The following TTC27 variants were observed in gnomAD, a reference collection of about 807,000 sequenced individuals.
The protein encoded by TTC27 is tetratricopeptide repeat protein 27.
In TTC27, 79 loss-of-function variants were observed where a neutral mutation model predicts 115.9. The observed-to-expected ratio is 0.68, with a 90% CI of 0.57 to 0.82. TTC27 has a LOEUF of 0.82. Among genes scored for constraint, TTC27 ranks in the 40% least tolerant of loss-of-function variants. TTC27 has a pLI of 0.00. For synonymous variants in TTC27, 401 were observed against 356.0 expected (o/e 1.13, Z -1.42); for missense variants, 1,054 against 993.1 (o/e 1.06, Z -0.82).
intron 5 of TTC27, among the ~76,000 whole-genome samples, chr2:32,655,852 T>G (rs1665296218): frequency 6.6e-6 from 1 of 152,168 alleles, no homozygotes; most frequent in South Asian, 2.1e-4. Flanking sequence ...GCTGTACTAT[T>G]CAATATGGTA....
At chr2:32,767,136 ATT>A (rs34763358) in intron 13 of TTC27, among the ~76,000 whole-genome samples, 13,125 of 152,246 alleles carry the variant, frequency 0.086, 658 homozygotes, top group Middle Eastern at 0.19. Context: ...CCTTAAAAAC[ATT>A]TTGAGTATAT....
chr2:32,773,136 G>A (rs1417393491), intron 13 of TTC27, among the ~76,000 whole-genome samples: 2 of 152,208 alleles, frequency 1.3e-5, no homozygotes, highest in East Asian at 3.8e-4. Flanking sequence ...AAAATAAACA[G>A]TTGGCCTGCT....
chr2:32,755,651 G>GAGGGAA (rs60327971), intron 12 of TTC27, among the ~76,000 whole-genome samples: 4 of 151,578 alleles, frequency 2.6e-5, no homozygotes, highest in Admixed American at 2.6e-4. Flanking sequence ...GGGAGAGGGA[G>GAGGGAA]CCGGAGCCAT....
chr2:32,744,516 G>A (rs1668751380), intron 12 of TTC27, among the ~76,000 whole-genome samples: 1 of 152,184 alleles, frequency 6.6e-6, no homozygotes, highest in South Asian at 2.1e-4. Flanking sequence ...GTTCCTAGAA[G>A]CTCTTTCAAG....
chr2:32,690,255 A>T (rs533632542), intron 9 of TTC27, among the ~76,000 whole-genome samples: 4 of 152,328 alleles, frequency 2.6e-5, no homozygotes, highest in African/African-American at 9.6e-5. Flanking sequence ...TGCTGCCTAT[A>T]TGAAAATTTG....
In TTC27 at chr2:32,736,832, A is replaced by G. The variant is rs1171872317; in HGVS notation, c.1452+16A>G. ...GCACGGAAAGGTATGTAATAGTCCA[A>G]TTTGATGTACTGGTGAGAGCCTTCC... On this transcript the variant is annotated intron_variant, in intron 12 of 19. Coordinates refer to ENST00000317907, the MANE Select transcript of TTC27 (RefSeq NM_017735.5). 2.5e-6 allele frequency: 4 copies of G among 1,612,448 alleles called. No homozygotes were observed. Among genetic ancestry groups the G allele is most frequent in the South Asian group, 2.2e-5 (2 of 90,822 alleles).
chr2:32,628,437 TG>T (rs1347645197), intron 1 of TTC27, 57 bp downstream of exon 1: 2 of 1,428,510 alleles, frequency 1.4e-6, no homozygotes, highest in Non-Finnish European at 1.9e-6. Context: ...GGAAAAGGGA[TG>T]GCAGCGACTG....
At chr2:32,652,395 AAAAAT>A (rs971537592) in intron 5 of TTC27, among the ~76,000 whole-genome samples, 37 of 152,032 alleles carry the variant, frequency 2.4e-4, no homozygotes, top group African/African-American at 4.8e-4. Flanking sequence ...ATAAATAAAT[AAAAAT>A]AAAATAAAAT....
At chr2:32,811,256 C>A in intron 17 of TTC27, 35 bp downstream of exon 17, 1 of 1,583,354 alleles carries the variant, frequency 6.3e-7, no homozygotes, top group South Asian at 1.1e-5. Flanking sequence ...CCTTGCCTTT[C>A]GTTTGAACAT....
rs147208517 is a variant in TTC27, at chr2:32,707,440, G to A, written c.1233+4520G>A. On this transcript the variant is annotated intron_variant, in intron 10 of 19. Coordinates refer to ENST00000317907, the MANE Select transcript of TTC27 (RefSeq NM_017735.5). ...CCACCTCCCACCACTGTTGCATCGG[G>A]CACCAAGTTGCCAACACATGAGCTT... 9.3e-3 allele frequency among the ~76,000 whole-genome samples: 1,421 copies of A among 152,206 alleles called. 11 individuals are homozygous for A. The highest frequency in any genetic ancestry group is 0.024 in the Middle Eastern group (7 of 294).
chr2:32,783,947 C>T (rs1015280352), intron 15 of TTC27, among the ~76,000 whole-genome samples: 8 of 152,172 alleles, frequency 5.3e-5, no homozygotes, highest in South Asian at 2.1e-4. Flanking sequence ...ATCCATATTA[C>T]GTAGAGATCA....
intron 12 of TTC27, among the ~76,000 whole-genome samples, chr2:32,740,791 A>T (rs1668607712): frequency 6.6e-6 from 1 of 152,164 alleles, no homozygotes; most frequent in Non-Finnish European, 1.5e-5. Flanking sequence ...AGTAGCTGGG[A>T]TTACAGGCGT....
chr2:32,737,029 G>A (rs771502726), intron 12 of TTC27, among the ~76,000 whole-genome samples: 15 of 152,118 alleles, frequency 9.9e-5, no homozygotes, highest in Non-Finnish European at 1.8e-4. Context: ...CTTTGAAGAC[G>A]TGGGATTTTG....
In TTC27 at chr2:32,747,490, T is replaced by C. The variant is rs183314662; in HGVS notation, c.1452+10674T>C. Among the ~76,000 whole-genome samples, 12 of 152,264 alleles carry C rather than the reference T, an allele frequency of 7.9e-5. No homozygotes were observed. The East Asian group carries it at 2.3e-3, about 29-fold the overall frequency. On this transcript the variant is annotated intron_variant, in intron 12 of 19. Coordinates refer to ENST00000317907, the MANE Select transcript of TTC27 (RefSeq NM_017735.5). ...ATAAAGTGTTCTGTATCTTATACAG[T>C]TTAAAGTGAAAAGCAGAATGATTAT...
intron 10 of TTC27, among the ~76,000 whole-genome samples, chr2:32,727,962 A>C (rs1377169443): frequency 2.0e-5 from 3 of 151,936 alleles, no homozygotes; most frequent in African/African-American, 7.3e-5. Flanking sequence ...AGAAGGTTGA[A>C]CTGCTCACCC....
At chr2:32,721,620 CTTTTTTTT>C (rs58839860) in intron 10 of TTC27, among the ~76,000 whole-genome samples, 2 of 137,340 alleles carry the variant, frequency 1.5e-5, no homozygotes, top group African/African-American at 5.4e-5. Flanking sequence ...CTCTCTCTCT[CTTTTTTTT>C]TTTTTTTTTC....
At chr2:32,736,578 A>T in intron 11 of TTC27, 116 bp from the exon 12 acceptor site, 1 of 1,081,100 alleles carries the variant, frequency 9.2e-7, no homozygotes, top group Non-Finnish European at 1.3e-6. Flanking sequence ...TGTAGAATTT[A>T]TACATTTATT....
At chr2:32,742,180 C>T (rs987604408) in intron 12 of TTC27, among the ~76,000 whole-genome samples, 1 of 152,130 alleles carries the variant, frequency 6.6e-6, no homozygotes, top group Middle Eastern at 3.2e-3. Context: ...CCTTTATTTC[C>T]TTTAAAGCCA....
At chr2:32,733,317 A>G (rs77955141) in intron 10 of TTC27, among the ~76,000 whole-genome samples, 1,741 of 152,356 alleles carry the variant, frequency 0.011, 35 homozygotes, top group African/African-American at 0.04. Context: ...AGATGGTCTC[A>G]CATGAGTGAA....
Sources: allele counts gnomAD v4.1 joint callset (sites outside exome capture counted in the v4.1 genomes callset), GRCh38; gene constraint gnomAD v4.1.1; transcripts MANE v1.5; gene names NCBI Gene and HGNC (gene_info 2026-07-23, HGNC 2026-07-21).